Variants in TTC17 observed in about 807,000 individuals in gnomAD.
TTC17 encodes tetratricopeptide repeat protein 17.
In TTC17, 58 loss-of-function variants were observed where a neutral mutation model predicts 143.8. That is an observed-to-expected ratio of 0.40 (90% CI 0.33 to 0.50). TTC17 has a LOEUF of 0.50. Ranked by LOEUF, TTC17 falls within the 20% of genes least tolerant of loss-of-function variation. TTC17 has a pLI of 0.49. For synonymous variants in TTC17, 501 were observed against 497.8 expected (o/e 1.01, Z -0.09); for missense variants, 1,273 against 1,392.5 (o/e 0.91, Z 1.37).
intron 15 of TTC17, among the ~76,000 whole-genome samples, chr11:43,412,981 G>GACACACACACACACAC (rs57982323): frequency 5.0e-5 from 7 of 140,384 alleles, no homozygotes; most frequent in African/African-American, 1.9e-4. Context: ...ACCTAGAATA[G>GACACACACACACACAC]ACACACACAC....
intron 21 of TTC17, among the ~76,000 whole-genome samples, chr11:43,452,530 T>C (rs924357547): frequency 4.6e-5 from 7 of 151,552 alleles, no homozygotes; most frequent in Admixed American, 6.6e-5. Flanking sequence ...AATGAATGAA[T>C]GAGTGAATGA....
chr11:43,390,308 G>C (rs1232337238), intron 3 of TTC17: 2 of 152,462 alleles, frequency 1.3e-5, no homozygotes, highest in African/African-American at 2.4e-5. Flanking sequence ...GGGTGACAGA[G>C]TGAGACCCTG....
intron 10 of TTC17, among the ~76,000 whole-genome samples, chr11:43,402,540 T>C (rs1857912123): frequency 6.6e-6 from 1 of 151,982 alleles, no homozygotes; most frequent in African/African-American, 2.4e-5. Context: ...GAATAAGTGG[T>C]ACAGACAGCA....
At chr11:43,399,259 G>A (rs1590356437) in intron 8 of TTC17, among the ~76,000 whole-genome samples, 1 of 152,146 alleles carries the variant, frequency 6.6e-6, no homozygotes, top group East Asian at 1.9e-4. Context: ...GAATGTTGAT[G>A]GAACTAATGC....
chr11:43,385,292 A>G (rs940711625), intron 2 of TTC17, among the ~76,000 whole-genome samples: 1 of 152,206 alleles, frequency 6.6e-6, no homozygotes, highest in African/African-American at 2.4e-5. Context: ...CAAGTAGAAT[A>G]TTTACCAGAA....
intron 10 of TTC17, among the ~76,000 whole-genome samples, chr11:43,403,136 A>G (rs1306422131): frequency 6.6e-6 from 1 of 152,182 alleles, no homozygotes; most frequent in Non-Finnish European, 1.5e-5. Flanking sequence ...AAAACCAAGC[A>G]TTTTAAAGGG....
intron 21 of TTC17, among the ~76,000 whole-genome samples, chr11:43,479,119 A>C (rs1948239692): frequency 1.3e-5 from 2 of 152,140 alleles, no homozygotes; most frequent in South Asian, 2.1e-4. Context: ...TCACACCTGT[A>C]ATCCCAGCTA....
intron 13 of TTC17, 50 bp downstream of exon 13, chr11:43,406,001 C>T: frequency 6.4e-7 from 1 of 1,572,924 alleles, no homozygotes; most frequent in Non-Finnish European, 8.6e-7. Flanking sequence ...TGGGTGACTT[C>T]AGAAGCCTCT....
intron 21 of TTC17, 182 bp from the exon 22 acceptor site, chr11:43,490,057 A>C: frequency 1.5e-6 from 1 of 689,542 alleles, no homozygotes; most frequent in Non-Finnish European, 2.2e-6. Flanking sequence ...TAGTAGTATC[A>C]AGCTCACAGG....
intron 21 of TTC17, among the ~76,000 whole-genome samples, chr11:43,480,445 G>T (rs1948265008): frequency 6.6e-6 from 1 of 152,036 alleles, no homozygotes; most frequent in Non-Finnish European, 1.5e-5. Flanking sequence ...AAAGAATAAA[G>T]ATATTTAAAG....
At chr11:43,362,959 C>G (rs1211510566) in intron 1 of TTC17, among the ~76,000 whole-genome samples, 3 of 152,200 alleles carry the variant, frequency 2.0e-5, no homozygotes, top group Non-Finnish European at 4.4e-5. Context: ...GTCTTCTTCT[C>G]CTCTCCGCTC....
intron 16 of TTC17, among the ~76,000 whole-genome samples, chr11:43,428,525 C>G (rs1947080551): frequency 6.6e-6 from 1 of 152,182 alleles, no homozygotes. Context: ...TCAACTGGTG[C>G]TGACTTTGCT....
At chr11:43,432,424 C>T (rs1947179416) in intron 16 of TTC17, among the ~76,000 whole-genome samples, 1 of 152,160 alleles carries the variant, frequency 6.6e-6, no homozygotes, top group Admixed American at 6.5e-5. Flanking sequence ...TAGTCTCTTA[C>T]TTCTAAGAAA....
intron 10 of TTC17, among the ~76,000 whole-genome samples, chr11:43,402,815 A>C (rs1002471348): frequency 1.3e-5 from 2 of 152,228 alleles, no homozygotes; most frequent in African/African-American, 2.4e-5. Flanking sequence ...GAGAAAACTC[A>C]TCATGTCTAA....
intron 21 of TTC17, among the ~76,000 whole-genome samples, chr11:43,457,132 T>C (rs1164529467): frequency 1.3e-5 from 2 of 152,102 alleles, no homozygotes; most frequent in African/African-American, 4.8e-5. Flanking sequence ...TCCTCAGTTG[T>C]GGCACTCTGG....
Position 43,448,020 on chromosome 11 carries a change from A to G in TTC17, c.2684A>G (p.Gln895Arg), listed in dbSNP as rs751448917. Residue 895 changes from glutamine (Q) to arginine (R), a missense_variant, in exon 19 of 24, where the codon CAG (glutamine) becomes CGG (arginine). By Grantham distance (43) the Gln-to-Arg change is conservative. Coordinates refer to ENST00000039989, the MANE Select transcript of TTC17 (RefSeq NM_018259.6). ...PGPQGKKRDY[Q>R]RLGWPSPDEC... ...CTTCCAGGAAAAAAACGTGACTACC[A>G]GCGTCTGGGATGGCCCAGCCCGGAC... The G allele has an allele frequency of 1.2e-5, 20 of 1,613,850 alleles. No homozygotes were observed. The Admixed American group carries it at 3.3e-4, about 27-fold the overall frequency.
Position 43,388,974 on chromosome 11 carries a change from C to CAA in TTC17, c.250-663_250-662dup, listed in dbSNP as rs760116786. On this transcript the variant is annotated intron_variant, in intron 2 of 23. Transcript: ENST00000039989. ...TGAGTGACAAAGTGAGACCCTGTCT[C>CAA]AAAAAAAAAAAAAAAATTAACTGGG... is the stretch of plus-strand genomic sequence containing the variant. Among the ~76,000 whole-genome samples the CAA allele has an allele frequency of 1.8e-4, 21 of 119,918 alleles. No homozygotes were observed. In the East Asian group the frequency reaches 1.8e-3, roughly 10 times the overall value. The allele number at this position is 119,918 out of a possible 152,430, so 78.7% of individuals were successfully genotyped here.
chr11:43,373,133 A>G (rs1327370492), intron 1 of TTC17, among the ~76,000 whole-genome samples: 2 of 152,048 alleles, frequency 1.3e-5, no homozygotes, highest in Non-Finnish European at 2.9e-5. Context: ...CATATTGTCT[A>G]TATGGTACTG....
chr11:43,400,709 G>A (rs1305654834), intron 9 of TTC17, among the ~76,000 whole-genome samples: 1 of 152,134 alleles, frequency 6.6e-6, no homozygotes, highest in Non-Finnish European at 1.5e-5. Context: ...TGGGAAGAGG[G>A]TATCTAGCTT....
Sources: allele counts gnomAD v4.1 joint callset (sites outside exome capture counted in the v4.1 genomes callset), GRCh38; gene constraint gnomAD v4.1.1; transcripts MANE v1.5; gene names NCBI Gene and HGNC (gene_info 2026-07-23, HGNC 2026-07-21).